The following DICER1 variants were observed in gnomAD, a reference collection of about 807,000 sequenced individuals.
DICER1 encodes endoribonuclease Dicer.
In DICER1, 43 loss-of-function variants were observed where a neutral mutation model predicts 194.1. The observed-to-expected ratio is 0.22, with a 90% CI of 0.17 to 0.29. The LOEUF (loss-of-function observed/expected upper bound fraction) is 0.29, where lower values mean the gene tolerates loss of function less well. DICER1 is among the 10% of genes least tolerant of loss of function. DICER1 has a pLI of 1.00. For missense variants in DICER1, 1,608 were observed against 2,317.0 expected, an observed-to-expected ratio of 0.69 and a Z score of 6.28; for synonymous variants, 832 against 820.5, an observed-to-expected ratio of 1.01 and a Z score of -0.24.
At position 95,131,671 on chromosome 14, in the gene DICER1, T is replaced by C. The variant is rs1402243178; in HGVS notation, c.308-32A>G. The C allele has an allele frequency of 2.5e-6, 4 of 1,607,538 alleles. No individual in the cohort carries two copies. The highest frequency in any genetic ancestry group is 1.3e-5 in the African/African-American group (1 of 74,944). On this transcript the variant is annotated intron_variant, in intron 3 of 26. Coordinates refer to ENST00000343455, the MANE Select transcript of DICER1 (RefSeq NM_177438.3). ...ACAAATATAATACTCCATGTAAATA[T>C]GAGAAATCTTGCCTAGTTGGCTCTC...
In DICER1 at chr14:95,091,188, G is replaced by GTA; in HGVS notation, c.5527+14_5527+15insTA. The GTA allele has an allele frequency of 6.2e-7, 1 of 1,613,988 alleles. No homozygotes were observed. Among genetic ancestry groups the GTA allele is most frequent in the African/African-American group, 1.3e-5 (1 of 74,966 alleles). On this transcript the variant is annotated intron_variant, in intron 25 of 26. Transcript: ENST00000343455. Reference sequence around the variant, plus strand: ...TTTTGTGGGTTTTTTTCTTTCTAAAGGGAGCCAACAATACCTATTAGTGGC... The same window carrying GTA: ...TTTTGTGGGTTTTTTTCTTTCTAAAGTAGGAGCCAACAATACCTATTAGTGGC...
rs1595457134 is a variant in DICER1 at position 95,129,582 on chromosome 14, G to A, written c.624C>T (p.Ser208=). 1 of 1,613,498 alleles carries A rather than the reference G, an allele frequency of 6.2e-7. No homozygotes were observed. Among genetic ancestry groups the A allele is most frequent in the South Asian group, 1.1e-5 (1 of 91,068 alleles). Residue 208 remains serine, a synonymous_variant, in exon 6 of 27, where the codon TCC becomes TCT. Transcript: ENST00000343455. ...SCPRILGLTA[S]ILNGKCDPEE... is the part of the protein sequence containing the mutation. Reference sequence around the variant, plus strand: ...CTGGATCACATTTCCCATTTAAAATGGAAGCAGTTAGTCCCAAAATGCGAG... The same window carrying A: ...CTGGATCACATTTCCCATTTAAAATAGAAGCAGTTAGTCCCAAAATGCGAG...
chr14:95,101,322 A>G (rs1204898892), intron 21 of DICER1, among the ~76,000 whole-genome samples: 1 of 152,110 alleles, frequency 6.6e-6, no homozygotes, highest in Non-Finnish European at 1.5e-5. Context: ...TAAGGAGTAG[A>G]AGGTTTCTGA....
At chr14:95,115,551 G>T in intron 11 of DICER1, 116 bp downstream of exon 11, 2 of 1,115,268 alleles carry the variant, frequency 1.8e-6, no homozygotes, top group Non-Finnish European at 2.7e-6. Context: ...TCGAAAATAT[G>T]GCAAGTCTAA....
At position 95,094,174 on chromosome 14, in the gene DICER1, G is replaced by C. The variant is rs202179999; in HGVS notation, c.5096-18C>G. On this transcript the variant is annotated intron_variant, in intron 23 of 26. Transcript: ENST00000343455. ...GTAACAATCTGAGGGGATCCGAAGT[G>C]GAACCGTAAGCTTGTGCAGAAGCAT... 3 of 1,613,832 alleles carry C rather than the reference G, an allele frequency of 1.9e-6. No homozygotes were observed. Among genetic ancestry groups the C allele is most frequent in the Non-Finnish European group, 2.5e-6 (3 of 1,179,988 alleles).
At position 95,116,662 on chromosome 14, in the gene DICER1, G is replaced by A. The variant is rs148218787; in HGVS notation, c.1543C>T (p.Leu515=). The A allele has an allele frequency of 2.3e-4, 376 of 1,613,658 alleles. No individual in the cohort carries two copies. The highest frequency in any genetic ancestry group is 3.0e-4 in the Non-Finnish European group (358 of 1,179,882). ...TCTACAATACTTGTTGCAATAAGCAGGTTGGTCTCATGTGCTCGAAATTTC... is the reference window on the plus strand; with the variant it reads ...TCTACAATACTTGTTGCAATAAGCAAGTTGGTCTCATGTGCTCGAAATTTC... ...LRKFRAHETN[L]LIATSIVEEG... is the part of the protein sequence containing the mutation. Residue 515 remains leucine, a synonymous_variant, in exon 10 of 27, where the codon CTG becomes TTG. Coordinates refer to ENST00000343455, the MANE Select transcript of DICER1 (RefSeq NM_177438.3).
rs1889373471 is a variant in DICER1, at chr14:95,086,838, C to T, written c.*3660G>A. The T allele has an allele frequency of 4.3e-6, 1 of 232,364 alleles. No homozygotes were observed. The highest frequency in any genetic ancestry group is 5.6e-5 in the Admixed American group (1 of 17,766). The allele number at this position is 232,364 out of a possible 1,614,324, so 14.4% of individuals were successfully genotyped here. ...AATAATTAAATTCCTGAAAAGTAAT[C>T]AGTGGTTGGAAAAATATAATTATTC... On this transcript the variant is annotated 3_prime_UTR_variant, in exon 27 of 27. Coordinates refer to ENST00000343455, the MANE Select transcript of DICER1 (RefSeq NM_177438.3).
rs1198045149 is a variant in DICER1 at position 95,105,863 on chromosome 14, A to G, written c.2988-80T>C. ...CAGTGGTTCTCCAAAAACCACCTGA[A>G]GAGCTCATTTCAACTACAGCCTCTT... On this transcript the variant is annotated intron_variant, in intron 18 of 26. Coordinates refer to ENST00000343455, the MANE Select transcript of DICER1 (RefSeq NM_177438.3). This position sits in a 1 kb window ranked among gnomAD's most constrained non-coding sequence, Gnocchi z 4.9. The G allele has an allele frequency of 7.0e-7, 1 of 1,424,366 alleles. No homozygotes were observed. Among genetic ancestry groups the G allele is most frequent in the African/African-American group, 1.4e-5 (1 of 70,768 alleles). 88.2% of individuals were successfully genotyped at this position (1,424,366 alleles called of 1,614,324 possible).
chr14:95,110,886 T>A (rs1327596978), intron 14 of DICER1, among the ~76,000 whole-genome samples: 1 of 152,166 alleles, frequency 6.6e-6, no homozygotes, highest in Non-Finnish European at 1.5e-5. Context: ...ATATTTGTGC[T>A]TCTACCTTCC....
At chr14:95,108,921 T>C (rs73329784) in intron 14 of DICER1, among the ~76,000 whole-genome samples, 5,052 of 152,256 alleles carry the variant, frequency 0.033, 298 homozygotes, top group African/African-American at 0.12. Flanking sequence ...TCACATATAA[T>C]CCTATCACTC....
In DICER1 at chr14:95,116,698, GA is replaced by G. The variant is rs546524688; in HGVS notation, c.1510-4del. On this transcript the variant is annotated splice_region_variant and splice_polypyrimidine_tract_variant and intron_variant, in intron 9 of 26. Coordinates refer to ENST00000343455, the MANE Select transcript of DICER1 (RefSeq NM_177438.3). ...TGTGCTCGAAATTTCCTAAGTACCT[GA>G]AAAAAAAAATCCACCAAGAAAAGCA... The G allele has an allele frequency of 1.3e-3, 2,031 of 1,542,700 alleles. 2 individuals carry two copies. Among genetic ancestry groups the G allele is most frequent in the Non-Finnish European group, 1.4e-3 (1,524 of 1,128,766 alleles).
At chr14:95,139,814 T>C (rs758539453) in intron 1 of DICER1, among the ~76,000 whole-genome samples, 4 of 152,170 alleles carry the variant, frequency 2.6e-5, no homozygotes, top group Non-Finnish European at 5.9e-5. Flanking sequence ...GAACAACAAT[T>C]TAACCCTTCC....
chr14:95,113,894 G>GAGAC (rs1202094694), intron 11 of DICER1, among the ~76,000 whole-genome samples: 1 of 152,224 alleles, frequency 6.6e-6, no homozygotes, highest in African/African-American at 2.4e-5. Context: ...ACAGAGCAGG[G>GAGAC]AGACTGGCTA....
rs878855267 is a variant in DICER1, at chr14:95,096,448, C to A, written c.4472G>T (p.Ser1491Ile). Reference sequence around the variant, plus strand: ...CTCAAAATCTGATGAAAATGGCATACTACCTAAGGAGGATTTTTTGGGCAT... The same window carrying A: ...CTCAAAATCTGATGAAAATGGCATAATACCTAAGGAGGATTTTTTGGGCAT... Reference protein sequence around the residue: ...WKMPKKSSLGSMPFSSDFEDF... With the variant: ...WKMPKKSSLGIMPFSSDFEDF... The change falls in exon 23 of 27, where the codon AGT becomes ATT. Residue 1491 changes from serine (S) to isoleucine (I), a missense_variant. Coordinates refer to ENST00000343455, the MANE Select transcript of DICER1 (RefSeq NM_177438.3). 5 of 1,614,194 alleles carry A rather than the reference C, an allele frequency of 3.1e-6. No individual in the cohort carries two copies. Among genetic ancestry groups the A allele is most frequent in the Non-Finnish European group, 4.2e-6 (5 of 1,180,034 alleles).
rs1894056077 is a variant in DICER1 at position 95,132,671 on chromosome 14, G to A, written c.151C>T (p.Leu51=). The A allele has an allele frequency of 6.2e-7, 1 of 1,613,812 alleles. No homozygotes were observed. Among genetic ancestry groups the A allele is most frequent in the South Asian group, 1.1e-5 (1 of 91,076 alleles). The change falls in exon 3 of 27, where the codon CTG becomes TTG. Residue 51 remains leucine (L), a synonymous_variant. Transcript: ENST00000343455. ...TTATGATCCAGAGCTGCTTCAAGCAGTTCAACCTAGAAACATGGTGAAAAA... is the reference window on the plus strand; with the variant it reads ...TTATGATCCAGAGCTGCTTCAAGCAATTCAACCTAGAAACATGGTGAAAAA... The part of the protein sequence containing the change: ...IYTPRKYQVE[L]LEAALDHNTI...
At chr14:95,130,239 G>A (rs1264265830) in intron 4 of DICER1, 47 bp from the exon 5 acceptor site, 2 of 1,574,844 alleles carry the variant, frequency 1.3e-6, no homozygotes, top group East Asian at 2.3e-5. Context: ...TTCACTGCCT[G>A]GATATACTTA....
Position 95,103,722 on chromosome 14 carries a change from T to C in DICER1, c.3674A>G (p.Tyr1225Cys), listed in dbSNP as rs146584765. Residue 1225 changes from tyrosine to cysteine, a missense_variant, in exon 21 of 27, where the codon TAC becomes TGC. Tyr to Cys is a radical substitution (Grantham distance 194). Around this residue, in one of 10 missense-constraint regions of DICER1, gnomAD observed 222 missense variants for 215.5 expected, o/e 1.03. Coordinates refer to ENST00000343455, the MANE Select transcript of DICER1 (RefSeq NM_177438.3). ...TSYSIQNLYS[Y>C]ENQPQPSDEC... ...ATCGCTGGGCTGGGGCTGGTTCTCG[T>C]AACTGTATAAATTCTGAATGGAATA... 3.8e-5 allele frequency: 62 copies of C among 1,614,230 alleles called. No individual in the cohort carries two copies. Among genetic ancestry groups the C allele is most frequent in the African/African-American group, 5.3e-5 (4 of 75,068 alleles).
intron 24 of DICER1, 110 bp downstream of exon 24, chr14:95,093,778 C>A (rs1890051409): frequency 1.6e-6 from 2 of 1,213,848 alleles, no homozygotes; most frequent in East Asian, 2.3e-5. Context: ...CTGGGTCCCA[C>A]ACCCCTGACC....
At chr14:95,098,289 T>C (rs2139877399) in intron 22 of DICER1, among the ~76,000 whole-genome samples, 1 of 152,356 alleles carries the variant, frequency 6.6e-6, no homozygotes, top group Non-Finnish European at 1.5e-5. Flanking sequence ...CAAGTCAACT[T>C]TGATACTCTC....
Sources: allele counts gnomAD v4.1 joint callset (sites outside exome capture counted in the v4.1 genomes callset), GRCh38; gene constraint gnomAD v4.1.1; regional missense constraint gnomAD v4.1.1; non-coding constraint Gnocchi (gnomAD v3.1); transcripts MANE v1.5; gene names NCBI Gene and HGNC (gene_info 2026-07-23, HGNC 2026-07-21).